Variants in KIAA1671 observed in about 807,000 individuals in gnomAD.
KIAA1671 encodes the protein uncharacterized protein KIAA1671.
A neutral mutation model predicts 131.2 loss-of-function variants in KIAA1671; 52 were observed. The ratio of observed to expected loss-of-function variants is 0.40; its 90% confidence interval spans 0.32 to 0.50. The LOEUF is 0.50. KIAA1671 is among the 20% of genes least tolerant of loss of function. KIAA1671 has a pLI of 0.73. For synonymous variants in KIAA1671, 1,003 were observed against 961.6 expected, an observed-to-expected ratio of 1.04 and a Z score of -0.80; for missense variants, 2,360 against 2,364.2, an observed-to-expected ratio of 1.00 and a Z score of 0.04.
intron 1 of KIAA1671, among the ~76,000 whole-genome samples, chr22:24,971,993 GT>G: frequency 6.6e-6 from 1 of 152,156 alleles, no homozygotes; most frequent in East Asian, 1.9e-4. Context: ...TGGTGACTCA[GT>G]TTCCCTTCTA....
At chr22:25,144,353 C>T (rs1458868523) in intron 6 of KIAA1671, among the ~76,000 whole-genome samples, 5 of 152,166 alleles carry the variant, frequency 3.3e-5, no homozygotes, top group African/African-American at 4.8e-5. Flanking sequence ...CCACTCACTC[C>T]GGGTAACAGA....
intron 6 of KIAA1671, among the ~76,000 whole-genome samples, chr22:25,138,074 T>C (rs890186555): frequency 4.6e-5 from 7 of 152,242 alleles, no homozygotes; most frequent in Admixed American, 3.3e-4. Flanking sequence ...ATCAGCTAGG[T>C]TGTGCTGCAG....
intron 6 of KIAA1671, among the ~76,000 whole-genome samples, chr22:25,103,960 C>T (rs1930851613): frequency 6.6e-6 from 1 of 152,142 alleles, no homozygotes; most frequent in East Asian, 1.9e-4. Flanking sequence ...ATTATTTCCA[C>T]TGTACCACCT....
chr22:25,116,434 C>T (rs1002809865), intron 6 of KIAA1671, among the ~76,000 whole-genome samples: 1 of 143,636 alleles, frequency 7.0e-6, no homozygotes, highest in East Asian at 2.1e-4. Context: ...TATGTATGTA[C>T]GTATTGAGAT....
In KIAA1671 at chr22:25,028,808, C is replaced by T; in HGVS notation, c.809C>T (p.Thr270Ile). 1.3e-6 allele frequency: 2 copies of T among 1,551,078 alleles called. No homozygotes were observed. The highest frequency in any genetic ancestry group is 1.7e-6 in the Non-Finnish European group (2 of 1,146,934). ...GCCACAGTGGGCAAAGTGCCACCCACCCCTCCCGAGAAGACGTGGGTGAGG... is the reference window on the plus strand; with the variant it reads ...GCCACAGTGGGCAAAGTGCCACCCATCCCTCCCGAGAAGACGTGGGTGAGG... ...AAATVGKVPP[T>I]PPEKTWVRKP... Residue 270 changes from threonine (T) to isoleucine (I), a missense_variant, in exon 3 of 13, where the codon ACC becomes ATC. Physicochemically the swap from Thr to Ile is moderately conservative, Grantham distance 89. Around this residue, in one of 3 missense-constraint regions of KIAA1671, gnomAD observed 1,185 missense variants for 1,126.2 expected, o/e 1.05. Coordinates refer to ENST00000358431, the MANE Select transcript of KIAA1671 (RefSeq NM_001145206.2).
chr22:25,108,130 A>G (rs556890301), intron 6 of KIAA1671, among the ~76,000 whole-genome samples: 1 of 152,328 alleles, frequency 6.6e-6, no homozygotes, highest in South Asian at 2.1e-4. Flanking sequence ...CAGGAAATAT[A>G]TATCAGTTTT....
chr22:25,044,772 C>T (rs1018894064), intron 5 of KIAA1671, among the ~76,000 whole-genome samples: 1 of 152,180 alleles, frequency 6.6e-6, no homozygotes, highest in East Asian at 1.9e-4. Flanking sequence ...TATGTCCTTT[C>T]GGACTTTCCT....
At chr22:25,096,817 G>A (rs1391718024) in intron 6 of KIAA1671, among the ~76,000 whole-genome samples, 1 of 152,106 alleles carries the variant, frequency 6.6e-6, no homozygotes, top group Non-Finnish European at 1.5e-5. Context: ...TCTGCTTTCT[G>A]CCACTGTGGA....
intron 1 of KIAA1671, among the ~76,000 whole-genome samples, chr22:24,976,884 G>A (rs1252381635): frequency 2.0e-5 from 3 of 152,184 alleles, no homozygotes; most frequent in African/African-American, 4.8e-5. Flanking sequence ...GTCAGGATTC[G>A]GACCATGTTA....
intron 6 of KIAA1671, among the ~76,000 whole-genome samples, chr22:25,113,054 G>A (rs146324812): frequency 6.3e-4 from 96 of 152,240 alleles, no homozygotes; most frequent in Admixed American, 1.8e-3. Context: ...GCTTGGATTG[G>A]GACAGCAGGG....
At chr22:25,124,374 AT>A (rs1326494974) in intron 6 of KIAA1671, among the ~76,000 whole-genome samples, 2 of 152,238 alleles carry the variant, frequency 1.3e-5, no homozygotes, top group Non-Finnish European at 2.9e-5. Flanking sequence ...ATTACTAAGA[AT>A]TAAAAATTGC....
chr22:25,117,191 G>A (rs1235816629), intron 6 of KIAA1671, among the ~76,000 whole-genome samples: 2 of 152,156 alleles, frequency 1.3e-5, no homozygotes, highest in African/African-American at 4.8e-5. Flanking sequence ...GTGGTGTGGG[G>A]CACAATAATT....
chr22:25,028,477 G>C lies in KIAA1671; in HGVS notation c.478G>C (p.Val160Leu). ...TKSGPALGKA[V>L]SEGAEEAKLG... ...AAGCGGCCCCGCTCTGGGGAAGGCGGTTAGTGAGGGGGCGGAGGAGGCCAA... is the reference window on the plus strand; with the variant it reads ...AAGCGGCCCCGCTCTGGGGAAGGCGCTTAGTGAGGGGGCGGAGGAGGCCAA... Residue 160 changes from valine (V) to leucine (L), a missense_variant, in exon 3 of 13, where the codon GTT becomes CTT. Val to Leu is a conservative substitution (Grantham distance 32). This residue lies in a region of KIAA1671 where 1,185 missense variants were observed against 1,126.2 expected (regional missense o/e 1.05). Coordinates refer to ENST00000358431, the MANE Select transcript of KIAA1671 (RefSeq NM_001145206.2). 6.5e-7 allele frequency: 1 copy of C among 1,550,026 alleles called. No homozygotes were observed. The highest frequency in any genetic ancestry group is 2.4e-5 in the East Asian group (1 of 40,912).
chr22:25,094,042 T>C (rs1192279905), intron 6 of KIAA1671, among the ~76,000 whole-genome samples: 2 of 151,936 alleles, frequency 1.3e-5, no homozygotes, highest in Non-Finnish European at 2.9e-5. Context: ...ACTGTATAGG[T>C]GTCCACATCC....
At chr22:25,064,788 A>T (rs1928372393) in intron 6 of KIAA1671, 1 of 152,282 alleles carries the variant, frequency 6.6e-6, no homozygotes, top group Non-Finnish European at 1.5e-5. Flanking sequence ...ATTGTGAGCA[A>T]GACTGGTGCT....
intron 6 of KIAA1671, among the ~76,000 whole-genome samples, chr22:25,143,128 C>G (rs1179518662): frequency 1.3e-5 from 2 of 152,340 alleles, no homozygotes; most frequent in African/African-American, 4.8e-5. Flanking sequence ...CTCTCCCCGT[C>G]CTGGGCACCG....
chr22:25,159,694 T>C (rs1353983016), intron 6 of KIAA1671, among the ~76,000 whole-genome samples: 1 of 152,050 alleles, frequency 6.6e-6, no homozygotes, highest in African/African-American at 2.4e-5. Flanking sequence ...GATAGGGAAG[T>C]TGAGGCTAGA....
At chr22:25,158,261 G>A (rs551046556) in intron 6 of KIAA1671, among the ~76,000 whole-genome samples, 1 of 152,336 alleles carries the variant, frequency 6.6e-6, no homozygotes, top group Admixed American at 6.5e-5. Context: ...TTAGAGAGGG[G>A]ACAGGGAGTC....
chr22:25,017,113 T>A (rs1050350541), intron 1 of KIAA1671, among the ~76,000 whole-genome samples: 18 of 152,174 alleles, frequency 1.2e-4, no homozygotes, highest in Admixed American at 6.5e-5. Context: ...CTGGGCGCGG[T>A]GGCTCATGCC....
Sources: gnomAD v4.1 joint callset for allele counts (sites outside exome capture counted in the v4.1 genomes callset) on GRCh38, gnomAD v4.1.1 for gene constraint, gnomAD v4.1.1 regional missense constraint, MANE v1.5 for transcripts, NCBI Gene and HGNC (gene_info 2026-07-23, HGNC 2026-07-21) for gene names.